RAPGEF1: variants seen among roughly 807,000 people sequenced by gnomAD.
RAPGEF1 encodes the protein CRK SH3-binding GNRP.
Under a neutral mutation model 143.3 loss-of-function variants are expected in RAPGEF1, and 33 were observed. The observed-to-expected ratio is 0.23, with a 90% confidence interval of 0.17 to 0.31. RAPGEF1 has a LOEUF of 0.31. RAPGEF1 is among the 10% of genes least tolerant of loss of function. The pLI, the probability that RAPGEF1 is intolerant of heterozygous loss-of-function variation, is 1.00. For missense variants in RAPGEF1, 1,199 were observed against 1,645.4 expected (o/e 0.73, Z 4.69); for synonymous variants, 629 against 676.5 (o/e 0.93, Z 1.09).
intron 1 of RAPGEF1, among the ~76,000 whole-genome samples, chr9:131,680,926 C>G (rs112012723): frequency 6.6e-6 from 1 of 152,030 alleles, no homozygotes; most frequent in African/African-American, 2.4e-5. Flanking sequence ...GTGGAGGGGT[C>G]GCCAGAGTGA....
chr9:131,630,196 G>T, intron 6 of RAPGEF1, 40 bp downstream of exon 6: 2 of 1,591,210 alleles, frequency 1.3e-6, no homozygotes, highest in South Asian at 1.1e-5. Flanking sequence ...CTTTGCCACT[G>T]AGCGTGACAC....
At chr9:131,724,431 C>T (rs1435732152) in intron 1 of RAPGEF1, among the ~76,000 whole-genome samples, 1 of 151,956 alleles carries the variant, frequency 6.6e-6, no homozygotes, top group Non-Finnish European at 1.5e-5. Context: ...CTGTGTCTAC[C>T]AAAAATACAA....
chr9:131,648,017 G>A (rs1471968511), intron 3 of RAPGEF1, among the ~76,000 whole-genome samples: 1 of 152,162 alleles, frequency 6.6e-6, no homozygotes, highest in African/African-American at 2.4e-5. Flanking sequence ...GGCCCCTGGG[G>A]TTTACAGGCA....
intron 5 of RAPGEF1, among the ~76,000 whole-genome samples, chr9:131,638,343 T>C (rs1257318771): frequency 6.6e-6 from 1 of 152,250 alleles, no homozygotes; most frequent in Admixed American, 6.5e-5. Context: ...ACGATCTCCA[T>C]TGCATTTTGT....
chr9:131,590,316 A>G (rs1052133322), intron 18 of RAPGEF1, among the ~76,000 whole-genome samples: 1 of 152,078 alleles, frequency 6.6e-6, no homozygotes, highest in South Asian at 2.1e-4. Flanking sequence ...GCTGAACTTT[A>G]GGTAGAGAAC....
rs549329517 is a variant in RAPGEF1 at position 131,719,445 on chromosome 9, CTAT to C, written c.61+20322_61+20324del. 8.6e-5 allele frequency among the ~76,000 whole-genome samples: 13 copies of C among 151,128 alleles called. No homozygotes were observed. In the South Asian group the frequency reaches 2.3e-3, roughly 27 times the overall value. ...TTCAGTCTGTGATGTCTTTTTGGGG[CTAT>C]TATTAAGCTACTTCTCTATTTTATA... On this transcript the variant is annotated intron_variant, in intron 1 of 26. Transcript: ENST00000683357.
chr9:131,719,611 G>GTAGTAAGC (rs1399169728), intron 1 of RAPGEF1, among the ~76,000 whole-genome samples: 5 of 125,822 alleles, frequency 4.0e-5, no homozygotes, highest in African/African-American at 1.6e-4. Context: ...CGGAGAGATA[G>GTAGTAAGC]TAGTAAGCTG....
chr9:131,578,016 T>C lies in RAPGEF1; in HGVS notation c.*1481A>G, dbSNP rs1443143556. ...GTTGCTTTCTATATTTTTCCTTTGT[T>C]CTGTTTGAACTGGGCTAAGTAAGCA... On this transcript the variant is annotated 3_prime_UTR_variant, in exon 27 of 27. Transcript: ENST00000683357. The C allele has an allele frequency of 6.6e-6, 1 of 152,244 alleles. No homozygotes were observed. Among genetic ancestry groups the C allele is most frequent in the Non-Finnish European group, 1.5e-5 (1 of 68,044 alleles). The allele number at this position is 152,244 out of a possible 1,614,324, so 9.4% of individuals were successfully genotyped here.
intron 12 of RAPGEF1, among the ~76,000 whole-genome samples, chr9:131,610,673 G>A (rs928722456): frequency 2.0e-5 from 3 of 152,194 alleles, no homozygotes; most frequent in African/African-American, 7.2e-5. Flanking sequence ...TTCCTCAGCG[G>A]AGAATCAATG....
chr9:131,647,884 G>C (rs974407741), intron 3 of RAPGEF1, among the ~76,000 whole-genome samples: 1 of 152,140 alleles, frequency 6.6e-6, no homozygotes, highest in African/African-American at 2.4e-5. Context: ...TTGTTGTGTG[G>C]GGGGCTGTCC....
rs754522672 is a variant in RAPGEF1 at position 131,673,437 on chromosome 9, G to A, written c.62-22488C>T. On this transcript the variant is annotated intron_variant, in intron 1 of 26. Transcript: ENST00000683357. ...ACTCCACTGCTGACCCTGTCCTGTAGATGAACTGTGTCCTCAGTGGAAAGC... is the reference window on the plus strand; with the variant it reads ...ACTCCACTGCTGACCCTGTCCTGTAAATGAACTGTGTCCTCAGTGGAAAGC... 9.2e-5 allele frequency among the ~76,000 whole-genome samples: 14 copies of A among 152,208 alleles called. 1 individual carries two copies. Among genetic ancestry groups the A allele is most frequent in the African/African-American group, 3.4e-4 (14 of 41,458 alleles).
At chr9:131,640,757 C>T (rs1289931467) in intron 4 of RAPGEF1, among the ~76,000 whole-genome samples, 2 of 152,162 alleles carry the variant, frequency 1.3e-5, no homozygotes, top group Non-Finnish European at 2.9e-5. Context: ...CCCCCCACTC[C>T]CTGCCCCACG....
At chr9:131,640,766 C>T (rs1227909313) in intron 4 of RAPGEF1, among the ~76,000 whole-genome samples, 1 of 152,076 alleles carries the variant, frequency 6.6e-6, no homozygotes, top group East Asian at 1.9e-4. Flanking sequence ...CCCTGCCCCA[C>T]GGAAGAAACG....
chr9:131,674,381 C>T (rs1021089915), intron 1 of RAPGEF1, among the ~76,000 whole-genome samples: 9 of 152,148 alleles, frequency 5.9e-5, no homozygotes, highest in Non-Finnish European at 8.8e-5. Flanking sequence ...CTGCAGAGCA[C>T]GGTTTTGCTT....
intron 1 of RAPGEF1, among the ~76,000 whole-genome samples, chr9:131,739,463 T>C (rs975129785): frequency 5.9e-5 from 9 of 151,912 alleles, no homozygotes; most frequent in African/African-American, 1.9e-4. Flanking sequence ...CTTCCCCTGC[T>C]TGGGGCTCGA....
chr9:131,579,706 G>A, intron 26 of RAPGEF1, 59 bp from the exon 27 acceptor site: 2 of 1,573,086 alleles, frequency 1.3e-6, no homozygotes, highest in Non-Finnish European at 1.7e-6. Flanking sequence ...TGGCCCGATG[G>A]CGCCACCCTC....
rs1406924331 is a variant in RAPGEF1 at position 131,598,296 on chromosome 9, G to C, written c.2516C>G (p.Pro839Arg). Residue 839 changes from proline to arginine, a missense_variant, in exon 16 of 27, where the codon CCA (proline) becomes CGA (arginine). Pro to Arg is a moderately radical substitution (Grantham distance 103). Coordinates refer to ENST00000683357, the MANE Select transcript of RAPGEF1 (RefSeq NM_001377935.1). ...RDGSERAPKS[P>R]DALESAQSEE... Reference sequence around the variant, plus strand: ...CGACTGAGCCGACTCCAGAGCATCTGGTGACTTTGGGGCCCTGCGGGGAGA... The same window carrying C: ...CGACTGAGCCGACTCCAGAGCATCTCGTGACTTTGGGGCCCTGCGGGGAGA... 1 of 1,613,920 alleles carries C rather than the reference G, an allele frequency of 6.2e-7. No individual in the cohort carries two copies. Among genetic ancestry groups the C allele is most frequent in the East Asian group, 2.2e-5 (1 of 44,886 alleles).
intron 1 of RAPGEF1, among the ~76,000 whole-genome samples, chr9:131,731,376 A>G (rs2131338216): frequency 6.6e-6 from 1 of 152,318 alleles, no homozygotes; most frequent in Non-Finnish European, 1.5e-5. Context: ...ATTCAGAACC[A>G]TCACTTGAAG....
At chr9:131,602,441 C>A (rs1406555478) in intron 14 of RAPGEF1, among the ~76,000 whole-genome samples, 1 of 152,168 alleles carries the variant, frequency 6.6e-6, no homozygotes, top group Non-Finnish European at 1.5e-5. Flanking sequence ...ATAGCCACTC[C>A]CCCCGAGCAC....
Sources: gnomAD v4.1 joint callset for allele counts (sites outside exome capture counted in the v4.1 genomes callset) on GRCh38, gnomAD v4.1.1 for gene constraint, MANE v1.5 for transcripts, NCBI Gene and HGNC (gene_info 2026-07-23, HGNC 2026-07-21) for gene names.